The following SPECC1L variants were observed in gnomAD, a reference collection of about 807,000 sequenced individuals.
SPECC1L encodes the protein sperm antigen with calponin homology and coiled-coil domains 1 like.
A neutral mutation model predicts 116.8 loss-of-function variants in SPECC1L; 40 were observed. The ratio of observed to expected loss-of-function variants is 0.34; its 90% confidence interval spans 0.27 to 0.45. SPECC1L has a LOEUF of 0.45. Among genes scored for constraint, SPECC1L ranks in the 20% least tolerant of loss-of-function variants. The probability of loss-of-function intolerance (pLI) is 1.00; values close to 1 mark genes in which losing one functional copy is unlikely to be tolerated. For missense variants in SPECC1L, 1,110 were observed against 1,373.6 expected, an observed-to-expected ratio of 0.81 and a Z score of 3.03; for synonymous variants, 504 against 500.6, an observed-to-expected ratio of 1.01 and a Z score of -0.09.
chr22:24,349,981 CAG>C (rs1422589129), intron 11 of SPECC1L, among the ~76,000 whole-genome samples: 2 of 152,144 alleles, frequency 1.3e-5, no homozygotes, highest in African/African-American at 4.8e-5. Flanking sequence ...CAGGGGCCTC[CAG>C]ACCCTCGCAG....
At chr22:24,369,403 T>C in intron 14 of SPECC1L, 83 bp downstream of exon 14, 1 of 986,174 alleles carries the variant, frequency 1.0e-6, no homozygotes, top group Non-Finnish European at 1.6e-6. Flanking sequence ...TGTCACACAT[T>C]AGAAATGATA....
intron 2 of SPECC1L, among the ~76,000 whole-genome samples, chr22:24,289,100 G>T (rs1014549760): frequency 6.6e-6 from 1 of 152,162 alleles, no homozygotes; most frequent in African/African-American, 2.4e-5. Context: ...ACCAAATTGT[G>T]CAAGTTTAAA....
intron 2 of SPECC1L, among the ~76,000 whole-genome samples, chr22:24,297,968 ATTG>A (rs1481129394): frequency 1.3e-5 from 2 of 152,098 alleles, no homozygotes; most frequent in Non-Finnish European, 2.9e-5. Flanking sequence ...ATTATTAGTT[ATTG>A]TTGTTAATCT....
intron 13 of SPECC1L, among the ~76,000 whole-genome samples, chr22:24,367,521 C>T (rs986714917): frequency 4.6e-5 from 7 of 151,744 alleles, no homozygotes; most frequent in Admixed American, 3.9e-4. Context: ...CCATTGTGGC[C>T]CAGGGAAGCC....
In SPECC1L at chr22:24,415,265, G is replaced by C. The variant is rs1365205220; in HGVS notation, c.*642G>C. On this transcript the variant is annotated 3_prime_UTR_variant, in exon 17 of 17. Transcript: ENST00000314328. ...GGCGTGGTGCGGGCACGCCAGGGCT[G>C]GGGTGCTGCTGCTGCACTCACGCGG... 1 of 154,806 alleles carries C rather than the reference G, an allele frequency of 6.5e-6. No individual in the cohort carries two copies. Among genetic ancestry groups the C allele is most frequent in the Non-Finnish European group, 1.4e-5 (1 of 69,550 alleles). The allele number at this position is 154,806 out of a possible 1,614,324, so 9.6% of individuals were successfully genotyped here.
At chr22:24,359,823 C>T (rs983010115) in intron 11 of SPECC1L, among the ~76,000 whole-genome samples, 3 of 152,212 alleles carry the variant, frequency 2.0e-5, no homozygotes, top group Non-Finnish European at 4.4e-5. Context: ...CTTCTAATCT[C>T]AACTTTGCTG....
chr22:24,290,777 G>A (rs1298704590), intron 2 of SPECC1L, among the ~76,000 whole-genome samples: 2 of 152,184 alleles, frequency 1.3e-5, no homozygotes, highest in African/African-American at 4.8e-5. Context: ...TACATAAAAT[G>A]CACCTTTCTG....
chr22:24,297,327 A>C (rs2049286888), intron 2 of SPECC1L, among the ~76,000 whole-genome samples: 1 of 152,006 alleles, frequency 6.6e-6, no homozygotes, highest in Non-Finnish European at 1.5e-5. Context: ...GGTTTTTTTA[A>C]ATGTAATTTT....
chr22:24,308,971 C>T (rs2049558900), intron 3 of SPECC1L, among the ~76,000 whole-genome samples: 1 of 152,180 alleles, frequency 6.6e-6, no homozygotes, highest in African/African-American at 2.4e-5. Context: ...TGACATGTTC[C>T]TATTACTCTT....
At position 24,318,623 on chromosome 22, in the gene SPECC1L, G is replaced by A. The variant is rs112037785; in HGVS notation, c.308-2665G>A. ...ACTAGGGAAAGGAATTAATGTTGGGGAAAAAAGTTACCCCAGCCAGGTGCG... is the reference window on the plus strand; with the variant it reads ...ACTAGGGAAAGGAATTAATGTTGGGAAAAAAAGTTACCCCAGCCAGGTGCG... On this transcript the variant is annotated intron_variant, in intron 4 of 16. Transcript: ENST00000314328. 0.01 allele frequency among the ~76,000 whole-genome samples: 1,530 copies of A among 152,050 alleles called. 69 individuals are homozygous for A. The South Asian group carries it at 0.11, about 11-fold the overall frequency.
At chr22:24,397,508 G>A (rs2042391178) in intron 14 of SPECC1L, among the ~76,000 whole-genome samples, 1 of 152,068 alleles carries the variant, frequency 6.6e-6, no homozygotes, top group Admixed American at 6.5e-5. Flanking sequence ...GTGCTTGGAG[G>A]GTGAGGTTGG....
chr22:24,362,604 A>G (rs951188869), intron 11 of SPECC1L, among the ~76,000 whole-genome samples: 23 of 151,960 alleles, frequency 1.5e-4, no homozygotes, highest in African/African-American at 5.6e-4. Context: ...CTGCTGTCCT[A>G]TTTGTTTTCC....
chr22:24,283,369 C>T (rs575122634), intron 2 of SPECC1L, among the ~76,000 whole-genome samples: 2 of 152,358 alleles, frequency 1.3e-5, no homozygotes, highest in East Asian at 1.9e-4. Flanking sequence ...TGAGCCACCG[C>T]GCCCAGCCTG....
chr22:24,294,744 G>A (rs377544966), intron 2 of SPECC1L, among the ~76,000 whole-genome samples: 1 of 151,954 alleles, frequency 6.6e-6, no homozygotes, highest in African/African-American at 2.4e-5. Flanking sequence ...CAGAGAATTG[G>A]TGCTTGGCTT....
intron 10 of SPECC1L, among the ~76,000 whole-genome samples, chr22:24,346,285 A>G (rs753170866): frequency 6.6e-6 from 1 of 152,152 alleles, no homozygotes; most frequent in Non-Finnish European, 1.5e-5. Context: ...GGATTAAGGC[A>G]TGAGCCACTG....
In SPECC1L at chr22:24,334,586, T is replaced by C. The variant is rs186584776; in HGVS notation, c.2560+13T>C. On this transcript the variant is annotated intron_variant, in intron 9 of 16. Coordinates refer to ENST00000314328, the MANE Select transcript of SPECC1L (RefSeq NM_015330.6). ...AGTGCATCTCAAGGTAATTAATTTC[T>C]CCTACATTGTGCCTACTGCATGCGG... is the stretch of plus-strand genomic sequence containing the variant. 35 of 1,613,980 alleles carry C rather than the reference T, an allele frequency of 2.2e-5. No homozygotes were observed. The Admixed American group carries it at 4.7e-4, about 22-fold the overall frequency.
At position 24,416,120 on chromosome 22, in the gene SPECC1L, C is replaced by A. The variant is rs921633287; in HGVS notation, c.*1497C>A. On this transcript the variant is annotated 3_prime_UTR_variant, in exon 17 of 17. Coordinates refer to ENST00000314328, the MANE Select transcript of SPECC1L (RefSeq NM_015330.6). ...GGGCTGAGGGGTCTGCATTCAAGCACGATGTTCTAGAATAGGAGTTTAACG... is the reference window on the plus strand; with the variant it reads ...GGGCTGAGGGGTCTGCATTCAAGCAAGATGTTCTAGAATAGGAGTTTAACG... The A allele has an allele frequency of 6.6e-6, 1 of 152,276 alleles. No homozygotes were observed. Among genetic ancestry groups the A allele is most frequent in the Non-Finnish European group, 1.5e-5 (1 of 68,028 alleles). 9.4% of individuals were successfully genotyped at this position (152,276 alleles called of 1,614,324 possible). A position where few individuals can be genotyped will look rare whatever the true frequency, so the allele number is the denominator to read the frequency against.
intron 2 of SPECC1L, among the ~76,000 whole-genome samples, chr22:24,291,701 G>C (rs1247591814): frequency 6.6e-6 from 1 of 152,088 alleles, no homozygotes; most frequent in Non-Finnish European, 1.5e-5. Flanking sequence ...ACCACTTTAG[G>C]CTCATTATTT....
chr22:24,278,547 T>C (rs557457281), intron 2 of SPECC1L, among the ~76,000 whole-genome samples: 1 of 152,324 alleles, frequency 6.6e-6, no homozygotes, highest in African/African-American at 2.4e-5. Flanking sequence ...ATATTGACTG[T>C]TAGGTGCCAG....
Sources: gnomAD v4.1 joint callset for allele counts (sites outside exome capture counted in the v4.1 genomes callset) on GRCh38, gnomAD v4.1.1 for gene constraint, MANE v1.5 for transcripts, NCBI Gene and HGNC (gene_info 2026-07-23, HGNC 2026-07-21) for gene names.